HBS1L: variants seen among roughly 807,000 people sequenced by gnomAD.
HBS1L encodes HBS1 like translational GTPase.
Under a neutral mutation model 88.9 loss-of-function variants are expected in HBS1L, and 55 were observed. That is an observed-to-expected ratio of 0.62 (90% CI 0.50 to 0.77). HBS1L has a LOEUF of 0.77. Among genes scored for constraint, HBS1L ranks in the 30% least tolerant of loss-of-function variants. The pLI is 0.00. For missense variants in HBS1L, 741 were observed against 829.3 expected, an observed-to-expected ratio of 0.89 and a Z score of 1.31; for synonymous variants, 267 against 288.5, an observed-to-expected ratio of 0.93 and a Z score of 0.76.
Position 134,965,179 on chromosome 6 carries a change from A to G in HBS1L, c.*100T>C, listed in dbSNP as rs112748112. 2.6e-5 allele frequency: 25 copies of G among 967,058 alleles called. No homozygotes were observed. Among genetic ancestry groups the G allele is most frequent in the Non-Finnish European group, 4.0e-5 (24 of 601,484 alleles). The allele number at this position is 967,058 out of a possible 1,614,324, so 59.9% of individuals were successfully genotyped here. On this transcript the variant is annotated 3_prime_UTR_variant, in exon 18 of 18. Coordinates refer to ENST00000367837, the MANE Select transcript of HBS1L (RefSeq NM_006620.4). ...TAATTTTTCTCTCTCATCTAAAAAC[A>G]TATCAATTGCACATTGTTCCTTTGA...
chr6:135,018,056 T>A (rs1583118604), intron 4 of HBS1L, among the ~76,000 whole-genome samples: 1 of 151,896 alleles, frequency 6.6e-6, no homozygotes, highest in South Asian at 2.1e-4. Context: ...ATTTTTCCTA[T>A]AAATGTTTCA....
In HBS1L at chr6:135,039,824, T is replaced by C. The variant is rs976504265; in HGVS notation, c.236-57A>G. On this transcript the variant is annotated intron_variant, in intron 3 of 17. Coordinates refer to ENST00000367837, the MANE Select transcript of HBS1L (RefSeq NM_006620.4). Reference sequence around the variant, plus strand: ...CTAAATGGTGCAATGAAAGAACTTTTAATCTTCAAAACTGATTTTAAAATT... The same window carrying C: ...CTAAATGGTGCAATGAAAGAACTTTCAATCTTCAAAACTGATTTTAAAATT... 2.8e-6 allele frequency: 4 copies of C among 1,421,938 alleles called. No individual in the cohort carries two copies. In the East Asian group the frequency reaches 7.0e-5, roughly 25 times the overall value. 88.1% of individuals were successfully genotyped at this position (1,421,938 alleles called of 1,614,324 possible). A position where few individuals can be genotyped will look rare whatever the true frequency, so the allele number is the denominator to read the frequency against.
Position 135,004,045 on chromosome 6 carries a change from A to G in HBS1L, c.431-1203T>C, listed in dbSNP as rs1385683875. ...GTACCACCAGGATTGAATCCACATA[A>G]AACTATGGAAACTGCATGTGCTACA... On this transcript the variant is annotated intron_variant, in intron 4 of 17. Coordinates refer to ENST00000367837, the MANE Select transcript of HBS1L (RefSeq NM_006620.4). Among the ~76,000 whole-genome samples, 2 of 152,118 alleles carry G rather than the reference A, an allele frequency of 1.3e-5. 1 individual carries two copies. Among genetic ancestry groups the G allele is most frequent in the Non-Finnish European group, 2.9e-5 (2 of 68,014 alleles).
chr6:135,009,033 C>A (rs1775690853), intron 4 of HBS1L, among the ~76,000 whole-genome samples: 2 of 152,182 alleles, frequency 1.3e-5, no homozygotes, highest in African/African-American at 4.8e-5. Flanking sequence ...ATACCAGCTA[C>A]CTCCCAAAGT....
At chr6:135,048,978 T>C (rs551023690) in intron 2 of HBS1L, among the ~76,000 whole-genome samples, 17 of 152,188 alleles carry the variant, frequency 1.1e-4, no homozygotes, top group Non-Finnish European at 2.1e-4. Flanking sequence ...AAAAAGAAAT[T>C]ATAAAAGTCA....
At chr6:135,004,297 A>G (rs1775549359) in intron 4 of HBS1L, among the ~76,000 whole-genome samples, 1 of 151,926 alleles carries the variant, frequency 6.6e-6, no homozygotes, top group African/African-American at 2.4e-5. Context: ...AATTGTTATT[A>G]GTGTTATAAA....
At chr6:134,977,586 A>G (rs1774686025) in intron 15 of HBS1L, among the ~76,000 whole-genome samples, 1 of 152,068 alleles carries the variant, frequency 6.6e-6, no homozygotes, top group South Asian at 2.1e-4. Context: ...ATTTTACATG[A>G]TCAAATTAAT....
At chr6:135,039,851 A>T in intron 3 of HBS1L, 84 bp from the exon 4 acceptor site, 1 of 1,175,076 alleles carries the variant, frequency 8.5e-7, no homozygotes, top group Non-Finnish European at 1.2e-6. Context: ...TTTAAAATTT[A>T]CAGCTGTACT....
chr6:134,986,303 A>G lies in HBS1L; in HGVS notation c.1306-120T>C. The G allele has an allele frequency of 6.3e-6, 4 of 634,170 alleles. No homozygotes were observed. In the South Asian group the frequency reaches 7.2e-5, roughly 11 times the overall value. 39.3% of individuals were successfully genotyped at this position (634,170 alleles called of 1,614,324 possible). A position where few individuals can be genotyped will look rare whatever the true frequency, so the allele number is the denominator to read the frequency against. On this transcript the variant is annotated intron_variant, in intron 10 of 17. Transcript: ENST00000367837. ...AACAATGTACTTTTTAAAACATAAT[A>G]GAAATCACAGAACTACAGCCCCAAA...
At chr6:135,036,143 G>A in intron 4 of HBS1L, 1 of 707,502 alleles carries the variant, frequency 1.4e-6, no homozygotes, top group Non-Finnish European at 1.7e-6. Flanking sequence ...GTTATGCTGT[G>A]CCACATAAGA....
chr6:134,999,629 G>A (rs1775393701), intron 5 of HBS1L, among the ~76,000 whole-genome samples: 1 of 151,744 alleles, frequency 6.6e-6, no homozygotes, highest in South Asian at 2.1e-4. Flanking sequence ...TGTATTTTTA[G>A]TAGAGACAGG....
Position 134,987,645 on chromosome 6 carries a change from C to A in HBS1L, c.1230G>T (p.Gln410His). ...QLAVAVNKMD[Q>H]VNWQQERFQE... ...AAATCTCCACAAAGCCCTTAAATAC[C>A]TGATCCATTTTATTAACTGCAACTG... is the stretch of plus-strand genomic sequence containing the variant. The change falls in exon 9 of 18, where the codon CAG (glutamine) becomes CAT (histidine). Residue 410 changes from glutamine to histidine, a missense_variant and splice_region_variant. Transcript: ENST00000367837. 1 of 1,595,944 alleles carries A rather than the reference C, an allele frequency of 6.3e-7. No individual in the cohort carries two copies. The highest frequency in any genetic ancestry group is 1.1e-5 in the South Asian group (1 of 87,886).
At chr6:135,010,023 T>A (rs1775730915) in intron 4 of HBS1L, among the ~76,000 whole-genome samples, 1 of 152,218 alleles carries the variant, frequency 6.6e-6, no homozygotes, top group Non-Finnish European at 1.5e-5. Context: ...GAAATTTATA[T>A]GTGATGATGA....
chr6:134,977,801 G>A (rs748401500), intron 15 of HBS1L, among the ~76,000 whole-genome samples: 2 of 151,812 alleles, frequency 1.3e-5, no homozygotes, highest in Non-Finnish European at 2.9e-5. Context: ...TACTATATGA[G>A]CTAATTAGAA....
At chr6:134,985,303 G>C in intron 12 of HBS1L, 38 bp downstream of exon 12, 1 of 1,365,608 alleles carries the variant, frequency 7.3e-7, no homozygotes, top group East Asian at 2.3e-5. Flanking sequence ...TGGGGAAAAG[G>C]GGCTATACTG....
At position 134,961,169 on chromosome 6, in the gene HBS1L, T is replaced by C. The variant is rs1774181090; in HGVS notation, c.*4110A>G. ...TGGTTACTGTAAACATTCTTAAAAC[T>C]TTGTTTTATGGGATTATCAGAGTAA... On this transcript the variant is annotated 3_prime_UTR_variant, in exon 18 of 18. Transcript: ENST00000367837. The C allele has an allele frequency of 6.8e-6, 1 of 146,908 alleles. No individual in the cohort carries two copies. Among genetic ancestry groups the C allele is most frequent in the African/African-American group, 2.5e-5 (1 of 40,102 alleles). The allele number at this position is 146,908 out of a possible 1,614,324, so 9.1% of individuals were successfully genotyped here.
At chr6:135,018,285 G>A (rs1775978846) in intron 4 of HBS1L, among the ~76,000 whole-genome samples, 1 of 151,958 alleles carries the variant, frequency 6.6e-6, no homozygotes, top group Admixed American at 6.6e-5. Context: ...CAATAGCACT[G>A]TTGCATTGGC....
In HBS1L at chr6:135,037,796, C is replaced by T. The variant is rs73774546; in HGVS notation, c.430+1777G>A. 10,358 of 1,548,120 alleles carry T rather than the reference C, an allele frequency of 6.7e-3. 590 individuals carry two copies. In the African/African-American group the frequency reaches 0.13, roughly 19 times the overall value. ...TGAATTAGGTTAGCTAGTGAAAGTT[C>T]TTTTGTTAACTTACATGATTCTAGT... On this transcript the variant is annotated intron_variant, in intron 4 of 17. Transcript: ENST00000367837.
chr6:135,039,405 C>T (rs1297063645), intron 4 of HBS1L, among the ~76,000 whole-genome samples, 168 bp downstream of exon 4: 1 of 152,026 alleles, frequency 6.6e-6, no homozygotes, highest in Non-Finnish European at 1.5e-5. Context: ...CAGTCATCAT[C>T]CTAAAAATCC....
Sources: gnomAD v4.1 joint callset for allele counts (sites outside exome capture counted in the v4.1 genomes callset) on GRCh38, gnomAD v4.1.1 for gene constraint, MANE v1.5 for transcripts, NCBI Gene and HGNC (gene_info 2026-07-23, HGNC 2026-07-21) for gene names.